The following ZBTB14 variants were observed in gnomAD, a reference collection of about 807,000 sequenced individuals.
ZBTB14 encodes zinc finger and BTB domain containing 14.
ZBTB14 carries 8 observed loss-of-function variants against 29.5 expected under a neutral mutation model. The ratio of observed to expected loss-of-function variants is 0.27; its 90% confidence interval spans 0.16 to 0.49. ZBTB14 has a LOEUF of 0.49. Ranked by LOEUF, ZBTB14 falls within the 20% of genes least tolerant of loss-of-function variation. The pLI, the probability that ZBTB14 is intolerant of heterozygous loss-of-function variation, is 0.99. For synonymous variants in ZBTB14, 226 were observed against 207.2 expected, an observed-to-expected ratio of 1.09 and a Z score of -0.78; for missense variants, 333 against 563.8, an observed-to-expected ratio of 0.59 and a Z score of 4.15.
intron 1 of ZBTB14, among the ~76,000 whole-genome samples, chr18:5,294,511 T>C (rs560470193): frequency 7.7e-4 from 117 of 152,170 alleles, no homozygotes; most frequent in African/African-American, 2.5e-3. Context: ...CCCTCTCCCC[T>C]CTCTCTCTCA....
chr18:5,296,357 C>T (rs2071967106), upstream of ZBTB14, among the ~76,000 whole-genome samples: 1 of 150,442 alleles, frequency 6.6e-6, no homozygotes, highest in East Asian at 2.0e-4. Context: ...CCCGCCCCGC[C>T]TCAAGCTCCC....
rs1363406123 is a variant in ZBTB14, at chr18:5,291,143, G to A, written c.1065C>T (p.His355=). 1 of 1,614,130 alleles carries A rather than the reference G, an allele frequency of 6.2e-7. No homozygotes were observed. The highest frequency in any genetic ancestry group is 8.5e-7 in the Non-Finnish European group (1 of 1,180,058). The change falls in exon 4 of 4, where the codon CAC becomes CAT. Residue 355 remains histidine (H), a synonymous_variant. Coordinates refer to ENST00000651870, the MANE Select transcript of ZBTB14 (RefSeq NM_001243702.2). This position sits in a 1 kb window ranked among gnomAD's most constrained non-coding sequence, Gnocchi z 5.8. ...GGCACGCAAACGGTCTTTCATTACT[G>A]TGAACTCTCTCATGCTTCTTTAAGT... ...APDLKKHERV[H]SNERPFACHM...
chr18:5,291,251 G>T lies in ZBTB14; in HGVS notation c.957C>A (p.His319Gln). ...MCTKGFTTQA[H>Q]LKEHLKIHTG... ...TGTGGATTTTTAGGTGTTCTTTCAG[G>T]TGGGCCTGTGTGGTGAAACCTTTTG... The change falls in exon 4 of 4, where the codon CAC (histidine) becomes CAA (glutamine). Residue 319 changes from histidine to glutamine, a missense_variant. Transcript: ENST00000651870. This position sits in a 1 kb window ranked among gnomAD's most constrained non-coding sequence, Gnocchi z 5.8. 1 of 1,614,192 alleles carries T rather than the reference G, an allele frequency of 6.2e-7. No homozygotes were observed. Among genetic ancestry groups the T allele is most frequent in the Non-Finnish European group, 8.5e-7 (1 of 1,180,032 alleles).
intron 1 of ZBTB14, chr18:5,294,773 C>A (rs954719916): frequency 2.0e-5 from 3 of 152,002 alleles, no homozygotes; most frequent in East Asian, 2.0e-4. Flanking sequence ...TGCAGGGAGC[C>A]GGGCTTCCCG....
chr18:5,291,541 T>A lies in ZBTB14; in HGVS notation c.667A>T (p.Met223Leu). The A allele has an allele frequency of 6.2e-7, 1 of 1,614,130 alleles. No homozygotes were observed. Among genetic ancestry groups the A allele is most frequent in the Non-Finnish European group, 8.5e-7 (1 of 1,180,030 alleles). Residue 223 changes from methionine to leucine, a missense_variant, in exon 4 of 4, where the codon ATG becomes TTG. This residue lies in a region of ZBTB14 where 126 missense variants were observed against 132.2 expected (regional missense o/e 0.95). Coordinates refer to ENST00000651870, the MANE Select transcript of ZBTB14 (RefSeq NM_001243702.2). This position sits in a 1 kb window ranked among gnomAD's most constrained non-coding sequence, Gnocchi z 5.8. ...VNCYGQEVES[M>L]ETPESKDLGS... The stretch of plus-strand genomic sequence containing the variant: ...AAGTCTTTTGATTCTGGGGTCTCCA[T>A]GGATTCTACTTCCTGGCCGTAGCAA...
chr18:5,291,547 C>T lies in ZBTB14; in HGVS notation c.661G>A (p.Glu221Lys), dbSNP rs755869400. Residue 221 changes from glutamate (E) to lysine (K), a missense_variant, in exon 4 of 4, where the codon GAA becomes AAA. Coordinates refer to ENST00000651870, the MANE Select transcript of ZBTB14 (RefSeq NM_001243702.2). This position sits in a 1 kb window ranked among gnomAD's most constrained non-coding sequence, Gnocchi z 5.8. Reference protein sequence around the residue: ...RKVNCYGQEVESMETPESKDL... With the variant: ...RKVNCYGQEVKSMETPESKDL... ...TTTGATTCTGGGGTCTCCATGGATT[C>T]TACTTCCTGGCCGTAGCAATTGACC... 6.2e-7 allele frequency: 1 copy of T among 1,613,956 alleles called. No homozygotes were observed. The highest frequency in any genetic ancestry group is 8.5e-7 in the Non-Finnish European group (1 of 1,180,042).
chr18:5,295,074 C>T (rs954203954), intron 1 of ZBTB14, among the ~76,000 whole-genome samples: 2 of 151,552 alleles, frequency 1.3e-5, no homozygotes, highest in Non-Finnish European at 2.9e-5. Context: ...CATAATCAGA[C>T]GTCGAGCGCA....
chr18:5,293,887 T>C (rs2143252470), intron 2 of ZBTB14, 85 bp downstream of exon 2: 1 of 152,372 alleles, frequency 6.6e-6, no homozygotes, highest in East Asian at 1.9e-4. Flanking sequence ...TTTAAGATTG[T>C]ATTTGATAAA....
At chr18:5,296,525 C>T (rs1229927412), upstream of ZBTB14, among the ~76,000 whole-genome samples, 1 of 151,608 alleles carries the variant, frequency 6.6e-6, no homozygotes, top group Non-Finnish European at 1.5e-5. Context: ...TGCCGCGTCT[C>T]GGAGCGGGCG....
chr18:5,290,547 G>C lies in ZBTB14; in HGVS notation c.*311C>G. 3.3e-6 allele frequency: 1 copy of C among 299,064 alleles called. No individual in the cohort carries two copies. The highest frequency in any genetic ancestry group is 6.0e-5 in the South Asian group (1 of 16,670). 18.5% of individuals were successfully genotyped at this position (299,064 alleles called of 1,614,324 possible). A position where few individuals can be genotyped will look rare whatever the true frequency, so the allele number is the denominator to read the frequency against. On this transcript the variant is annotated 3_prime_UTR_variant, in exon 4 of 4. Coordinates refer to ENST00000651870, the MANE Select transcript of ZBTB14 (RefSeq NM_001243702.2). ...GGTGAGTGTAAAGGAACTAAAAATG[G>C]AAGTCTCTCACTTCTAAACTGGACA...
rs150020827 is a variant in ZBTB14, at chr18:5,290,861, G to A, written c.1347C>T (p.Ser449=). The change falls in exon 4 of 4, where the codon AGC becomes AGT. Residue 449 remains serine, a synonymous_variant. Coordinates refer to ENST00000651870, the MANE Select transcript of ZBTB14 (RefSeq NM_001243702.2). ...AAGTGTCCCTGTCCCACCGCCTCTAGCTACAGGCTATCGTCTCCAGCTGCT... is the reference window on the plus strand; with the variant it reads ...AAGTGTCCCTGTCCCACCGCCTCTAACTACAGGCTATCGTCTCCAGCTGCT... ...AEQQLETIAC[S] 2.7e-5 allele frequency: 44 copies of A among 1,613,218 alleles called. No individual in the cohort carries two copies. The highest frequency in any genetic ancestry group is 3.6e-5 in the Non-Finnish European group (43 of 1,179,422).
At chr18:5,296,849 G>A (rs1466009771), upstream of ZBTB14, among the ~76,000 whole-genome samples, 1 of 145,548 alleles carries the variant, frequency 6.9e-6, no homozygotes, top group Non-Finnish European at 1.5e-5. Context: ...GACTCGATTC[G>A]GAGAGCTCTG....
intron 1 of ZBTB14, 120 bp downstream of exon 1, chr18:5,295,532 A>AGCGCGC (rs911156842): frequency 1.4e-5 from 2 of 142,452 alleles, no homozygotes; most frequent in African/African-American, 5.0e-5. Context: ...AGGCTCTGCG[A>AGCGCGC]GCGCGCGCGC....
chr18:5,290,929 T>C lies in ZBTB14; in HGVS notation c.1279A>G (p.Thr427Ala). 3 of 1,614,284 alleles carry C rather than the reference T, an allele frequency of 1.9e-6. No individual in the cohort carries two copies. Among genetic ancestry groups the C allele is most frequent in the Non-Finnish European group, 2.5e-6 (3 of 1,180,054 alleles). ...ATCGCTGCCGCCTGCAACTGTTCTG[T>C]CTCGCTCTGGATGGCACTGGGGGTA... The part of the protein sequence containing the change: ...QVTPSAIQSE[T>A]EQLQAAAMAA... The change falls in exon 4 of 4, where the codon ACA becomes GCA. Residue 427 changes from threonine (T) to alanine (A), a missense_variant. Transcript: ENST00000651870.
Position 5,290,887 on chromosome 18 carries a change from G to C in ZBTB14, c.1321C>G (p.Gln441Glu). Residue 441 changes from glutamine (Q) to glutamate (E), a missense_variant, in exon 4 of 4, where the codon CAG (glutamine) becomes GAG (glutamate). Physicochemically the swap from Gln to Glu is conservative, Grantham distance 29. Coordinates refer to ENST00000651870, the MANE Select transcript of ZBTB14 (RefSeq NM_001243702.2). ...CTACAGGCTATCGTCTCCAGCTGCT[G>C]TTCTGCTTCCGCAGCCATCGCTGCC... ...QAAAMAAEAE[Q>E]QLETIACS The C allele has an allele frequency of 6.2e-7, 1 of 1,614,236 alleles. No homozygotes were observed. Among genetic ancestry groups the C allele is most frequent in the South Asian group, 1.1e-5 (1 of 91,084 alleles).
Position 5,292,018 on chromosome 18 carries a change from G to C in ZBTB14, c.190C>G (p.Leu64Val). ...CTATCAACCTCAAGCTTCTTGAAAA[G>C]CTTTTTAAAGTAAGTGCTGCAGGCA... ...LAACSTYFKK[L>V]FKKLEVDSSS... is the part of the protein sequence containing the mutation. Residue 64 changes from leucine (L) to valine (V), a missense_variant, in exon 4 of 4, where the codon CTT becomes GTT. By Grantham distance (32) the Leu-to-Val change is conservative. Transcript: ENST00000651870. 6.2e-7 allele frequency: 1 copy of C among 1,613,190 alleles called. No individual in the cohort carries two copies. Among genetic ancestry groups the C allele is most frequent in the Non-Finnish European group, 8.5e-7 (1 of 1,179,860 alleles).
intron 1 of ZBTB14, among the ~76,000 whole-genome samples, chr18:5,295,031 G>T (rs1268551970): frequency 6.6e-6 from 1 of 151,962 alleles, no homozygotes; most frequent in Non-Finnish European, 1.5e-5. Flanking sequence ...TCCCAGCCTG[G>T]GAGCCAGGTG....
upstream of ZBTB14, chr18:5,296,343 G>T (rs1390044780): frequency 6.7e-6 from 1 of 150,088 alleles, no homozygotes; most frequent in Admixed American, 6.6e-5. Context: ...GCTGCTCGCG[G>T]ACACCCGCCC....
upstream of ZBTB14, among the ~76,000 whole-genome samples, chr18:5,296,829 C>G (rs778224143): frequency 3.3e-5 from 5 of 152,008 alleles, no homozygotes; most frequent in Non-Finnish European, 7.4e-5. Flanking sequence ...CTGTGGCAGT[C>G]CAGACCCTGG....
Sources: gnomAD v4.1 joint callset for allele counts (sites outside exome capture counted in the v4.1 genomes callset) on GRCh38, gnomAD v4.1.1 for gene constraint, gnomAD v4.1.1 regional missense constraint, Gnocchi (gnomAD v3.1) non-coding constraint, MANE v1.5 for transcripts, NCBI Gene and HGNC (gene_info 2026-07-23, HGNC 2026-07-21) for gene names.